SPIRE1: variants seen among roughly 807,000 people sequenced by gnomAD.
SPIRE1 encodes spire type actin nucleation factor 1.
Under a neutral mutation model 94.1 loss-of-function variants are expected in SPIRE1, and 40 were observed. That is an observed-to-expected ratio of 0.43 (90% CI 0.33 to 0.55). The LOEUF is 0.55. Among genes scored for constraint, SPIRE1 ranks in the 20% least tolerant of loss-of-function variants. The pLI is 0.06. For synonymous variants in SPIRE1, 376 were observed against 371.7 expected (o/e 1.01, Z -0.13); for missense variants, 838 against 975.2 (o/e 0.86, Z 1.87).
intron 3 of SPIRE1, among the ~76,000 whole-genome samples, chr18:12,541,043 G>A (rs113484903): frequency 3.3e-5 from 5 of 152,286 alleles, no homozygotes; most frequent in African/African-American, 1.2e-4. Context: ...CACAAACTTT[G>A]ATAGGTCACG....
intron 4 of SPIRE1, among the ~76,000 whole-genome samples, chr18:12,512,884 G>A (rs916867809): frequency 6.6e-6 from 1 of 151,138 alleles, no homozygotes; most frequent in Non-Finnish European, 1.5e-5. Flanking sequence ...ATCTGATCCC[G>A]GATGCTCTCC....
chr18:12,580,819 G>A (rs1000829248), intron 2 of SPIRE1, among the ~76,000 whole-genome samples: 1 of 152,168 alleles, frequency 6.6e-6, no homozygotes, highest in African/African-American at 2.4e-5. Context: ...GAGGCGGGCG[G>A]ATTGCTTGGG....
At position 12,453,086 on chromosome 18, in the gene SPIRE1, G is replaced by A; in HGVS notation, c.1829C>T (p.Thr610Ile). Reference sequence around the variant, plus strand: ...ACCTTACCTCTTACAGAACTGACAGGTATAAGACCAAGTGAAGAAGGAAAA... The same window carrying A: ...ACCTTACCTCTTACAGAACTGACAGATATAAGACCAAGTGAAGAAGGAAAA... ...RRFSFFTWSY[T>I]CQFCKRPVCS... The change falls in exon 14 of 17, where the codon ACC becomes ATC. Residue 610 changes from threonine to isoleucine, a missense_variant. By Grantham distance (89) the Thr-to-Ile change is moderately conservative. Transcript: ENST00000409402. 2 of 1,605,220 alleles carry A rather than the reference G, an allele frequency of 1.2e-6. No homozygotes were observed. Among genetic ancestry groups the A allele is most frequent in the Non-Finnish European group, 1.7e-6 (2 of 1,177,206 alleles).
intron 1 of SPIRE1, among the ~76,000 whole-genome samples, chr18:12,652,751 T>C (rs1393832811): frequency 3.3e-5 from 5 of 152,222 alleles, no homozygotes; most frequent in South Asian, 2.1e-4. Flanking sequence ...GTTTTTCTTA[T>C]AGCATATTTC....
chr18:12,491,910 C>A (rs2033246884), intron 8 of SPIRE1, among the ~76,000 whole-genome samples: 1 of 152,180 alleles, frequency 6.6e-6, no homozygotes, highest in Admixed American at 6.5e-5. Context: ...GAAGTAAAAT[C>A]AACAGGGGTT....
At chr18:12,624,149 T>G (rs1324616353) in intron 2 of SPIRE1, among the ~76,000 whole-genome samples, 1 of 151,630 alleles carries the variant, frequency 6.6e-6, no homozygotes, top group Non-Finnish European at 1.5e-5. Flanking sequence ...CTCGAACTCC[T>G]GACCTCAGGT....
rs552436723 is a variant in SPIRE1 at position 12,466,433 on chromosome 18, C to T, written c.1405-1475G>A. Among the ~76,000 whole-genome samples, 5 of 152,106 alleles carry T rather than the reference C, an allele frequency of 3.3e-5. No homozygotes were observed. In the South Asian group the frequency reaches 8.3e-4, roughly 25 times the overall value. ...CTGGGATTACAGGTGAGTGCCACCA[C>T]GCCCGGCTAATTTTTGTATTTTTTT... On this transcript the variant is annotated intron_variant, in intron 10 of 16. Transcript: ENST00000409402.
intron 2 of SPIRE1, among the ~76,000 whole-genome samples, chr18:12,567,252 G>A (rs1173426104): frequency 6.6e-6 from 1 of 151,982 alleles, no homozygotes; most frequent in African/African-American, 2.4e-5. Context: ...ATACTTAGGT[G>A]TCAATCTAAC....
intron 1 of SPIRE1, among the ~76,000 whole-genome samples, chr18:12,639,885 A>T (rs1001057850): frequency 6.6e-6 from 1 of 151,494 alleles, no homozygotes; most frequent in Non-Finnish European, 1.5e-5. Flanking sequence ...AAAAAAAAAA[A>T]TTTATTAGAC....
At chr18:12,573,883 G>T (rs1391920838) in intron 2 of SPIRE1, among the ~76,000 whole-genome samples, 2 of 152,056 alleles carry the variant, frequency 1.3e-5, no homozygotes, top group African/African-American at 4.8e-5. Context: ...GGGACTACAG[G>T]TGCCTGCCAC....
At chr18:12,498,497 C>T (rs1301782467) in intron 6 of SPIRE1, among the ~76,000 whole-genome samples, 1 of 152,168 alleles carries the variant, frequency 6.6e-6, no homozygotes, top group Non-Finnish European at 1.5e-5. Flanking sequence ...ATCCGTCCAC[C>T]TCGGCCTCCT....
At chr18:12,549,756 T>A (rs1008081161) in intron 2 of SPIRE1, among the ~76,000 whole-genome samples, 1 of 151,942 alleles carries the variant, frequency 6.6e-6, no homozygotes, top group Non-Finnish European at 1.5e-5. Flanking sequence ...ATCAACCCTA[T>A]CCTTCTTCCT....
At chr18:12,476,714 A>G (rs1214988940) in intron 10 of SPIRE1, among the ~76,000 whole-genome samples, 1 of 151,002 alleles carries the variant, frequency 6.6e-6, no homozygotes, top group Non-Finnish European at 1.5e-5. Context: ...AATTATGTAT[A>G]TATTTAAAAA....
chr18:12,562,538 A>G (rs9989546), intron 2 of SPIRE1, among the ~76,000 whole-genome samples: 2 of 151,482 alleles, frequency 1.3e-5, no homozygotes, highest in Admixed American at 6.6e-5. Flanking sequence ...CATGTGCAGG[A>G]TGTGGAAGTT....
chr18:12,451,139 A>T (rs1568177105), intron 16 of SPIRE1: 1 of 309,624 alleles, frequency 3.2e-6, no homozygotes, highest in Non-Finnish European at 6.0e-6. Context: ...AAAATAGGGT[A>T]TTCATCTGAT....
rs929094422 is a variant in SPIRE1 at position 12,581,377 on chromosome 18, C to T, written c.373-34473G>A. ...TTAGTAACCATTAATTAAGGTTTCA[C>T]GCTATACAATGTATAATTTCCGTTT... On this transcript the variant is annotated intron_variant, in intron 2 of 16. Coordinates refer to ENST00000409402, the MANE Select transcript of SPIRE1 (RefSeq NM_001128626.2). Among the ~76,000 whole-genome samples, 5 of 152,010 alleles carry T rather than the reference C, an allele frequency of 3.3e-5. No homozygotes were observed. The South Asian group carries it at 8.3e-4, about 25-fold the overall frequency.
chr18:12,479,095 T>A (rs1427021879), intron 10 of SPIRE1, among the ~76,000 whole-genome samples: 1 of 152,046 alleles, frequency 6.6e-6, no homozygotes, highest in Non-Finnish European at 1.5e-5. Context: ...ACTTGCTGAC[T>A]TGTTTTAACC....
chr18:12,527,459 C>T (rs1439623167), intron 4 of SPIRE1, among the ~76,000 whole-genome samples: 1 of 152,120 alleles, frequency 6.6e-6, no homozygotes, highest in Non-Finnish European at 1.5e-5. Context: ...TAAGGATAGG[C>T]CTTTCGGTGA....
chr18:12,504,558 T>C (rs1240367069), intron 6 of SPIRE1, among the ~76,000 whole-genome samples: 1 of 152,286 alleles, frequency 6.6e-6, no homozygotes, highest in Middle Eastern at 3.4e-3. Flanking sequence ...CCTTCTAACA[T>C]AAAATAACTT....
Sources: gnomAD v4.1 joint callset for allele counts (sites outside exome capture counted in the v4.1 genomes callset) on GRCh38, gnomAD v4.1.1 for gene constraint, MANE v1.5 for transcripts, NCBI Gene and HGNC (gene_info 2026-07-23, HGNC 2026-07-21) for gene names.